CTNNA2: variants seen among roughly 807,000 people sequenced by gnomAD.
CTNNA2 encodes catenin alpha-2.
A neutral mutation model predicts 101.0 loss-of-function variants in CTNNA2; 42 were observed. The observed-to-expected ratio is 0.42, with a 90% CI of 0.32 to 0.54. The LOEUF is 0.54. Among genes scored for constraint, CTNNA2 ranks in the 20% least tolerant of loss-of-function variants. CTNNA2 has a pLI of 0.14. For missense variants in CTNNA2, 871 were observed against 1,223.1 expected, an observed-to-expected ratio of 0.71 and a Z score of 4.29; for synonymous variants, 450 against 456.4, an observed-to-expected ratio of 0.99 and a Z score of 0.18.
intron 1 of CTNNA2, among the ~76,000 whole-genome samples, chr2:79,537,114 T>C (rs1239133051): frequency 6.6e-6 from 1 of 152,166 alleles, no homozygotes; most frequent in African/African-American, 2.4e-5. Flanking sequence ...TATTTGCACG[T>C]GGAGGGCTTA....
intron 4 of CTNNA2, among the ~76,000 whole-genome samples, chr2:79,501,970 T>TG (rs2103805329): frequency 6.6e-6 from 1 of 151,004 alleles, no homozygotes; most frequent in African/African-American, 2.4e-5. Context: ...TTAGTCTTTT[T>TG]TTTTTTTTTT....
chr2:80,625,766 C>A (rs1247940875), intron 18 of CTNNA2, among the ~76,000 whole-genome samples: 1 of 152,024 alleles, frequency 6.6e-6, no homozygotes, highest in Non-Finnish European at 1.5e-5. Context: ...GTCATTCATA[C>A]TTTCATTCAT....
chr2:80,620,252 CT>C (rs561182624), intron 18 of CTNNA2, among the ~76,000 whole-genome samples: 20 of 147,916 alleles, frequency 1.4e-4, no homozygotes, highest in East Asian at 6.0e-4. Context: ...GGTATCATCC[CT>C]TTTTTTTTTC....
intron 2 of CTNNA2, among the ~76,000 whole-genome samples, chr2:79,233,503 A>G (rs1331141362): frequency 6.6e-6 from 1 of 152,150 alleles, no homozygotes; most frequent in East Asian, 1.9e-4. Context: ...TATTCTGTGT[A>G]TGGATGACAA....
At chr2:80,630,831 T>G (rs1276392868) in intron 18 of CTNNA2, among the ~76,000 whole-genome samples, 1 of 152,172 alleles carries the variant, frequency 6.6e-6, no homozygotes, top group East Asian at 1.9e-4. Context: ...ATTATGATGA[T>G]GAGTAACTCT....
intron 7 of CTNNA2, among the ~76,000 whole-genome samples, chr2:79,967,435 C>T (rs1690153622): frequency 6.6e-6 from 1 of 152,158 alleles, no homozygotes; most frequent in Non-Finnish European, 1.5e-5. Context: ...TTCACCTCCT[C>T]AACTAATGCA....
At chr2:79,580,002 C>T (rs1379568158) in intron 1 of CTNNA2, among the ~76,000 whole-genome samples, 1 of 152,186 alleles carries the variant, frequency 6.6e-6, no homozygotes, top group Non-Finnish European at 1.5e-5. Context: ...GGCAAATGCT[C>T]TTCTCTTGGA....
At chr2:79,901,707 C>G (rs1029046492) in intron 6 of CTNNA2, among the ~76,000 whole-genome samples, 1 of 152,190 alleles carries the variant, frequency 6.6e-6, no homozygotes, top group Non-Finnish European at 1.5e-5. Flanking sequence ...TACTCTTTAA[C>G]AAGCTGTTTC....
intron 14 of CTNNA2, among the ~76,000 whole-genome samples, chr2:80,582,638 C>T (rs216621): frequency 0.069 from 10,444 of 152,090 alleles, 372 homozygotes; most frequent in Middle Eastern, 0.092. Flanking sequence ...CTGCATAGGA[C>T]GATGAAATTT....
chr2:80,017,897 C>T (rs558669615), intron 7 of CTNNA2, among the ~76,000 whole-genome samples: 2 of 151,008 alleles, frequency 1.3e-5, no homozygotes, highest in African/African-American at 4.8e-5. Context: ...CTTACTTGAA[C>T]CTCAGAATTT....
At chr2:79,841,384 A>AT (rs909411660) in intron 3 of CTNNA2, among the ~76,000 whole-genome samples, 13 of 152,246 alleles carry the variant, frequency 8.5e-5, no homozygotes, top group South Asian at 4.1e-4. Context: ...AGCATTATTA[A>AT]TTTTTTTCCT....
chr2:79,814,812 T>C (rs751193357), intron 3 of CTNNA2, among the ~76,000 whole-genome samples: 1 of 152,180 alleles, frequency 6.6e-6, no homozygotes, highest in Non-Finnish European at 1.5e-5. Flanking sequence ...GATTGCTGGA[T>C]CAAATGGTAG....
chr2:80,122,840 G>A (rs1431097092), intron 7 of CTNNA2, among the ~76,000 whole-genome samples: 3 of 152,192 alleles, frequency 2.0e-5, no homozygotes, highest in Non-Finnish European at 4.4e-5. Flanking sequence ...TATGCTGTGA[G>A]TGGTTGGCAG....
intron 1 of CTNNA2, among the ~76,000 whole-genome samples, chr2:79,571,006 A>G (rs1675429351): frequency 6.6e-6 from 1 of 152,182 alleles, no homozygotes; most frequent in African/African-American, 2.4e-5. Flanking sequence ...AAATGTTTGC[A>G]ATATTTTATA....
chr2:79,353,941 G>T (rs1677449177), intron 3 of CTNNA2, among the ~76,000 whole-genome samples: 1 of 151,968 alleles, frequency 6.6e-6, no homozygotes, highest in African/African-American at 2.4e-5. Flanking sequence ...GCTTAGTTTT[G>T]CAGGAAATTA....
intron 8 of CTNNA2, 144 bp downstream of exon 8, chr2:80,393,435 A>T (rs1677710566): frequency 3.3e-6 from 2 of 609,840 alleles, no homozygotes; most frequent in Admixed American, 6.9e-5. Context: ...ACCCCATTTT[A>T]TCGGCAAGGT....
intron 7 of CTNNA2, among the ~76,000 whole-genome samples, chr2:80,278,466 G>C (rs1466673928): frequency 6.6e-6 from 1 of 152,114 alleles, no homozygotes; most frequent in Non-Finnish European, 1.5e-5. Context: ...CTGCATCTGT[G>C]ATTCCAGACA....
At chr2:80,342,167 T>C (rs963013256) in intron 7 of CTNNA2, among the ~76,000 whole-genome samples, 1 of 152,136 alleles carries the variant, frequency 6.6e-6, no homozygotes, top group African/African-American at 2.4e-5. Context: ...TTGGGGAAGA[T>C]AAAAGTGTCT....
intron 4 of CTNNA2, among the ~76,000 whole-genome samples, chr2:79,379,526 T>A (rs1337187232): frequency 6.6e-6 from 1 of 152,212 alleles, no homozygotes; most frequent in East Asian, 1.9e-4. Context: ...TAGCTCACTT[T>A]TTAAAATCTT....
Sources: gnomAD v4.1 joint callset for allele counts (sites outside exome capture counted in the v4.1 genomes callset) on GRCh38, gnomAD v4.1.1 for gene constraint, MANE v1.5 for transcripts, NCBI Gene and HGNC (gene_info 2026-07-23, HGNC 2026-07-21) for gene names.